The following RPH3A variants were observed in gnomAD, a reference collection of about 807,000 sequenced individuals.
RPH3A encodes rabphilin-3A.
In RPH3A, 48 loss-of-function variants were observed where a neutral mutation model predicts 102.2. That is an observed-to-expected ratio of 0.47 (90% CI 0.37 to 0.60). The LOEUF is 0.60. RPH3A is among the 20% of genes least tolerant of loss of function. RPH3A has a pLI of 0.00. For synonymous variants in RPH3A, 310 were observed against 324.3 expected (o/e 0.96, Z 0.47); for missense variants, 781 against 910.1 (o/e 0.86, Z 1.83).
At chr12:112,742,535 G>C (rs1340081080) in intron 1 of RPH3A, among the ~76,000 whole-genome samples, 1 of 152,206 alleles carries the variant, frequency 6.6e-6, no homozygotes, top group African/African-American at 2.4e-5. Flanking sequence ...GAAACAGTTG[G>C]CATTCTCAGA....
At chr12:112,601,854 T>C (rs2039561762) in intron 1 of RPH3A, among the ~76,000 whole-genome samples, 1 of 152,122 alleles carries the variant, frequency 6.6e-6, no homozygotes, top group Non-Finnish European at 1.5e-5. Flanking sequence ...GGTAGGAGGA[T>C]TGCTTGAGCC....
chr12:112,787,688 G>A (rs1034725204), upstream of RPH3A, among the ~76,000 whole-genome samples: 5 of 152,172 alleles, frequency 3.3e-5, no homozygotes, highest in African/African-American at 1.2e-4. Flanking sequence ...ATGGCCTCAG[G>A]CTAGTTGCTT....
chr12:112,779,015 G>A (rs1326284746), intron 1 of RPH3A, among the ~76,000 whole-genome samples: 1 of 152,320 alleles, frequency 6.6e-6, no homozygotes, highest in African/African-American at 2.4e-5. Context: ...TCAGGAACAG[G>A]GAATGCATGC....
rs528788361 is a variant in RPH3A, at chr12:112,652,507, ATTTGTGC to A, written c.-140+77190_-140+77196del. 5.3e-3 allele frequency among the ~76,000 whole-genome samples: 808 copies of A among 152,184 alleles called. 2 individuals carry two copies. The highest frequency in any genetic ancestry group is 9.6e-3 in the South Asian group (46 of 4,806). On this transcript the variant is annotated intron_variant, in intron 1 of 21. Coordinates refer to the RPH3A transcript ENST00000543106. ...AAACTCCAAACCTGTTGCTCCCTCC[ATTTGTGC>A]TAATAACCATGGGGCCAGTGTGGAT...
intron 10 of RPH3A, among the ~76,000 whole-genome samples, chr12:112,870,389 T>C (rs1322729449): frequency 6.6e-6 from 1 of 150,600 alleles, no homozygotes; most frequent in Non-Finnish European, 1.5e-5. Context: ...CTCTCAAAGA[T>C]CTCTCCAAGT....
At chr12:112,868,735 T>G in intron 8 of RPH3A, 140 bp downstream of exon 8, 1 of 833,938 alleles carries the variant, frequency 1.2e-6, no homozygotes, top group Non-Finnish European at 1.8e-6. Context: ...CTAGGACTCC[T>G]ATATCTCCTT....
At chr12:112,785,414 T>C (rs995809463) in intron 1 of RPH3A, among the ~76,000 whole-genome samples, 2 of 152,116 alleles carry the variant, frequency 1.3e-5, no homozygotes, top group African/African-American at 4.8e-5. Flanking sequence ...TTTTCTAATG[T>C]GCTTTAAAGT....
At chr12:112,894,090 G>A (rs2043142218) in intron 19 of RPH3A, 2 of 165,964 alleles carry the variant, frequency 1.2e-5, no homozygotes, top group Admixed American at 1.3e-4. Context: ...GAGAAGTGGA[G>A]TGACAATAAT....
intron 2 of RPH3A, among the ~76,000 whole-genome samples, chr12:112,827,395 T>A (rs2041896076): frequency 6.6e-6 from 1 of 152,238 alleles, no homozygotes; most frequent in Non-Finnish European, 1.5e-5. Context: ...CTTCATCTGT[T>A]TTTATGGCAG....
chr12:112,636,023 C>A (rs1181927795), intron 1 of RPH3A, among the ~76,000 whole-genome samples: 2 of 151,870 alleles, frequency 1.3e-5, no homozygotes. Context: ...AAAAAAAAAT[C>A]AGTGTCTTAA....
chr12:112,690,095 G>T (rs1356477292), intron 1 of RPH3A, among the ~76,000 whole-genome samples: 1 of 152,154 alleles, frequency 6.6e-6, no homozygotes, highest in Non-Finnish European at 1.5e-5. Context: ...TGTTATAAAC[G>T]ATCATCCTTC....
At position 112,664,442 on chromosome 12, in the gene RPH3A, G is replaced by A. The variant is rs530952544; in HGVS notation, c.-140+89123G>A. 3.3e-5 allele frequency among the ~76,000 whole-genome samples: 5 copies of A among 152,304 alleles called. No homozygotes were observed. In the East Asian group the frequency reaches 9.6e-4, roughly 29 times the overall value. Reference sequence around the variant, plus strand: ...GCAGGGAGACCAGTAAGGAATATTTGTAGTTATCCAGGCAGGTGGAAGTAA... The same window carrying A: ...GCAGGGAGACCAGTAAGGAATATTTATAGTTATCCAGGCAGGTGGAAGTAA... On this transcript the variant is annotated intron_variant, in intron 1 of 21. Transcript: ENST00000543106.
rs367840961 is a variant in RPH3A, at chr12:112,590,331, C to T, written c.-140+15012C>T. Among the ~76,000 whole-genome samples the T allele has an allele frequency of 5.9e-5, 9 of 152,320 alleles. No individual in the cohort carries two copies. The East Asian group carries it at 1.2e-3, about 20-fold the overall frequency. On this transcript the variant is annotated intron_variant, in intron 1 of 21. Transcript: ENST00000543106. ...ACTGAGCTCTTGCAGCCACCAGCCT[C>T]GGAGACCACCCTGCTGAATGAGGGT...
intron 1 of RPH3A, among the ~76,000 whole-genome samples, chr12:112,703,403 C>T (rs1417412053): frequency 6.6e-6 from 1 of 152,172 alleles, no homozygotes. Context: ...TAGTCAGATT[C>T]CCCAACTTTT....
At chr12:112,725,706 A>G (rs1019451042) in intron 1 of RPH3A, among the ~76,000 whole-genome samples, 1 of 152,180 alleles carries the variant, frequency 6.6e-6, no homozygotes, top group Non-Finnish European at 1.5e-5. Flanking sequence ...GCTACCTGCC[A>G]TGTGATGACT....
At chr12:112,863,849 A>G (rs536753464) in intron 5 of RPH3A, among the ~76,000 whole-genome samples, 96 of 152,310 alleles carry the variant, frequency 6.3e-4, no homozygotes, top group Non-Finnish European at 1.1e-3. Context: ...TTTGCTAGAT[A>G]TATGTGTGGG....
chr12:112,848,376 T>C (rs2042267165), intron 5 of RPH3A, among the ~76,000 whole-genome samples: 1 of 152,154 alleles, frequency 6.6e-6, no homozygotes, highest in Non-Finnish European at 1.5e-5. Flanking sequence ...AAACCAGTCC[T>C]ATAACAGTCA....
intron 1 of RPH3A, among the ~76,000 whole-genome samples, chr12:112,661,610 TG>T (rs1286168222): frequency 6.6e-6 from 1 of 152,210 alleles, no homozygotes; most frequent in African/African-American, 2.4e-5. Flanking sequence ...GGGATCTTCC[TG>T]GAAGGAAACA....
chr12:112,895,852 G>A lies in RPH3A; in HGVS notation c.1933G>A (p.Gly645Ser), dbSNP rs770019578. ...CATTTCAGTCTGGGACTATGACATC[G>A]GCAAGTCCAATGATTACATCGGTGA... ...LDISVWDYDI[G>S]KSNDYIGGCQ... Residue 645 changes from glycine (G) to serine (S), a missense_variant, in exon 21 of 22, where the codon GGC (glycine) becomes AGC (serine). Transcript: ENST00000389385. 3.1e-6 allele frequency: 5 copies of A among 1,612,844 alleles called. No homozygotes were observed. Among genetic ancestry groups the A allele is most frequent in the East Asian group, 2.2e-5 (1 of 44,870 alleles).
Sources: gnomAD v4.1 joint callset for allele counts (sites outside exome capture counted in the v4.1 genomes callset) on GRCh38, gnomAD v4.1.1 for gene constraint, MANE v1.5 for transcripts, NCBI Gene and HGNC (gene_info 2026-07-23, HGNC 2026-07-21) for gene names.